ENTREP2: variants seen among roughly 807,000 people sequenced by gnomAD.
ENTREP2 encodes protein ENTREP2.
At chr15:29,674,265 T>TTTTTG in the ENTREP2 span, among the ~76,000 whole-genome samples, 2 of 152,000 alleles carry the variant, frequency 1.3e-5, no homozygotes, top group East Asian at 3.9e-4. Context: ...CAGAGTTGTT[T>TTTTTG]TTTTTGTTTT....
At chr15:29,596,843 A>AT in the ENTREP2 span, among the ~76,000 whole-genome samples, 1 of 151,580 alleles carries the variant, frequency 6.6e-6, no homozygotes, top group Admixed American at 6.6e-5. Context: ...TAATTTTTGT[A>AT]TTTTTTAGTA....
At chr15:29,123,499 G>A in the ENTREP2 span, 21 of 1,551,606 alleles carry the variant, frequency 1.4e-5, no homozygotes, top group Admixed American at 1.2e-4. Flanking sequence ...CCTGGCATCC[G>A]CATAGGCCTT....
chr15:29,324,603 G>A, the ENTREP2 span, among the ~76,000 whole-genome samples: 4 of 152,192 alleles, frequency 2.6e-5, no homozygotes, highest in East Asian at 5.8e-4. Context: ...GGAAGTTGGA[G>A]TACCAATATT....
At chr15:29,295,692 A>G in the ENTREP2 span, among the ~76,000 whole-genome samples, 1 of 152,212 alleles carries the variant, frequency 6.6e-6, no homozygotes, top group African/African-American at 2.4e-5. Context: ...GGGTTCCTTG[A>G]ACGGAAGCAC....
At chr15:29,188,821 C>T in the ENTREP2 span, among the ~76,000 whole-genome samples, 8 of 152,164 alleles carry the variant, frequency 5.3e-5, no homozygotes, top group Non-Finnish European at 1.0e-4. Context: ...GGGACAGAGG[C>T]TGGAAACGGA....
the ENTREP2 span, among the ~76,000 whole-genome samples, chr15:29,623,311 A>T: frequency 6.6e-6 from 1 of 152,208 alleles, no homozygotes; most frequent in Non-Finnish European, 1.5e-5. Context: ...TTCCAAGGCC[A>T]TGGTGCCCAA....
chr15:29,266,711 T>C, the ENTREP2 span: 1 of 152,224 alleles, frequency 6.6e-6, no homozygotes, highest in Non-Finnish European at 1.5e-5. Context: ...GTTATGTATA[T>C]ATACATGTAT....
At chr15:29,490,194 G>C in the ENTREP2 span, among the ~76,000 whole-genome samples, 1,186 of 152,268 alleles carry the variant, frequency 7.8e-3, 12 homozygotes, top group African/African-American at 0.027. Flanking sequence ...ATCTGGAGTC[G>C]TTAGTTCCTT....
chr15:29,296,225 T>C, the ENTREP2 span, among the ~76,000 whole-genome samples: 183 of 152,150 alleles, frequency 1.2e-3, no homozygotes, highest in African/African-American at 4.4e-3. Context: ...TCCCAATTAA[T>C]AGAAACAGTA....
the ENTREP2 span, among the ~76,000 whole-genome samples, chr15:29,657,341 G>A: frequency 6.8e-6 from 1 of 146,986 alleles, no homozygotes; most frequent in Admixed American, 6.7e-5. Flanking sequence ...CAGTGTTACA[G>A]CTCTCAAAGA....
At chr15:29,220,359 C>T in the ENTREP2 span, among the ~76,000 whole-genome samples, 1 of 152,208 alleles carries the variant, frequency 6.6e-6, no homozygotes, top group Non-Finnish European at 1.5e-5. Context: ...TAAATTTTTA[C>T]CTTTAAACGC....
chr15:29,461,210 G>A, the ENTREP2 span, among the ~76,000 whole-genome samples: 2 of 152,128 alleles, frequency 1.3e-5, no homozygotes, highest in Admixed American at 6.6e-5. Flanking sequence ...CTCCATGACT[G>A]TTATTTCCCT....
the ENTREP2 span, among the ~76,000 whole-genome samples, chr15:29,271,639 C>T: frequency 6.6e-6 from 1 of 152,102 alleles, no homozygotes; most frequent in Non-Finnish European, 1.5e-5. Flanking sequence ...TTCTCTCTGA[C>T]CACCGGTGCA....
the ENTREP2 span, among the ~76,000 whole-genome samples, chr15:29,344,399 T>C: frequency 1.3e-5 from 2 of 152,208 alleles, no homozygotes; most frequent in South Asian, 2.1e-4. Context: ...TAATCTTGTT[T>C]GTAGCAGGGA....
chr15:29,280,071 TA>T, the ENTREP2 span, among the ~76,000 whole-genome samples: 26 of 152,084 alleles, frequency 1.7e-4, no homozygotes, highest in African/African-American at 6.3e-4. Flanking sequence ...CATTTCACAG[TA>T]AAAAAAACCC....
the ENTREP2 span, chr15:29,375,159 A>C: frequency 2.0e-5 from 3 of 152,204 alleles, no homozygotes; most frequent in Admixed American, 6.5e-5. Context: ...CTGGAACAGC[A>C]TTTAGCTCAA....
the ENTREP2 span, among the ~76,000 whole-genome samples, chr15:29,632,777 C>A: frequency 6.6e-6 from 1 of 152,192 alleles, no homozygotes; most frequent in African/African-American, 2.4e-5. Flanking sequence ...GTCCCAAGAG[C>A]AAGCCGCAAA....
the ENTREP2 span, among the ~76,000 whole-genome samples, chr15:29,172,626 A>G: frequency 2.0e-5 from 3 of 152,132 alleles, no homozygotes; most frequent in Non-Finnish European, 4.4e-5. Flanking sequence ...ATAGGAACAC[A>G]GGGTCCCTTG....
chr15:29,416,123 C>T, the ENTREP2 span, among the ~76,000 whole-genome samples: 1 of 152,144 alleles, frequency 6.6e-6, no homozygotes, highest in African/African-American at 2.4e-5. Flanking sequence ...CAATGGCTTT[C>T]TTCACAGAAT....
Sources: gnomAD v4.1 joint callset for allele counts (sites outside exome capture counted in the v4.1 genomes callset) on GRCh38, gnomAD v4.1.1 for gene constraint, MANE v1.5 for transcripts, NCBI Gene and HGNC (gene_info 2026-07-23, HGNC 2026-07-21) for gene names.